The following RNF169 variants were observed in gnomAD, a reference collection of about 807,000 sequenced individuals.
RNF169 encodes ring finger protein 169, also known as E3 ubiquitin-protein ligase RNF169.
A neutral mutation model predicts 53.9 loss-of-function variants in RNF169; 24 were observed. The ratio of observed to expected loss-of-function variants is 0.45; its 90% CI spans 0.32 to 0.63. RNF169 has a LOEUF of 0.63. RNF169 is among the 20% of genes least tolerant of loss of function. RNF169 has a pLI of 0.04. For synonymous variants in RNF169, 396 were observed against 363.5 expected (o/e 1.09, Z -1.02); for missense variants, 883 against 906.2 (o/e 0.97, Z 0.33).
chr11:74,835,038 A>G (rs1438733774), intron 5 of RNF169, among the ~76,000 whole-genome samples: 1 of 152,126 alleles, frequency 6.6e-6, no homozygotes, highest in Non-Finnish European at 1.5e-5. Context: ...GCTGGTGTGC[A>G]GTGGTGCAAC....
chr11:74,785,207 TATGATA>T (rs1435797697), intron 1 of RNF169, among the ~76,000 whole-genome samples: 5 of 74,472 alleles, frequency 6.7e-5, no homozygotes, highest in Admixed American at 3.9e-4. Flanking sequence ...GATATATATA[TATGATA>T]TATATATGTT....
intron 4 of RNF169, among the ~76,000 whole-genome samples, chr11:74,830,063 T>C (rs1282995534): frequency 6.6e-6 from 1 of 152,154 alleles, no homozygotes; most frequent in Non-Finnish European, 1.5e-5. Context: ...TTACTGAATG[T>C]AATGAAAGCA....
intron 1 of RNF169, among the ~76,000 whole-genome samples, chr11:74,762,165 A>T (rs1186362577): frequency 1.3e-5 from 2 of 150,304 alleles, no homozygotes; most frequent in African/African-American, 4.9e-5. Context: ...CAGCTCCTTT[A>T]AACACTTCTC....
At chr11:74,828,914 A>G (rs1415481271) in intron 4 of RNF169, among the ~76,000 whole-genome samples, 1 of 152,220 alleles carries the variant, frequency 6.6e-6, no homozygotes, top group African/African-American at 2.4e-5. Context: ...AGGCAATACC[A>G]TTCAGGACCA....
chr11:74,829,249 C>T (rs777664411), intron 4 of RNF169, among the ~76,000 whole-genome samples: 9 of 152,158 alleles, frequency 5.9e-5, no homozygotes, highest in South Asian at 2.1e-4. Context: ...AAGAGCTTGA[C>T]GTTACTGATC....
At chr11:74,752,008 C>T (rs532520605) in intron 1 of RNF169, among the ~76,000 whole-genome samples, 15 of 151,874 alleles carry the variant, frequency 9.9e-5, no homozygotes, top group Non-Finnish European at 2.1e-4. Context: ...CCGAGGTGGG[C>T]GGATCACAAG....
At chr11:74,813,680 C>T (rs1356690533) in intron 3 of RNF169, among the ~76,000 whole-genome samples, 1 of 152,096 alleles carries the variant, frequency 6.6e-6, no homozygotes, top group African/African-American at 2.4e-5. Context: ...AAAATGTAAC[C>T]TAGTATACAT....
intron 1 of RNF169, among the ~76,000 whole-genome samples, chr11:74,767,057 TCTTAA>T (rs1316846469): frequency 1.3e-5 from 2 of 152,094 alleles, no homozygotes; most frequent in Non-Finnish European, 1.5e-5. Flanking sequence ...CCCAGGCTGG[TCTTAA>T]CTTCTGACCT....
chr11:74,760,240 G>T (rs2035059471), intron 1 of RNF169, among the ~76,000 whole-genome samples: 1 of 151,832 alleles, frequency 6.6e-6, no homozygotes, highest in Non-Finnish European at 1.5e-5. Context: ...TATCAATTTT[G>T]TTGATCCTTT....
intron 2 of RNF169, among the ~76,000 whole-genome samples, chr11:74,791,210 G>A (rs1343070627): frequency 1.3e-5 from 2 of 152,174 alleles, no homozygotes; most frequent in Non-Finnish European, 2.9e-5. Context: ...TCATCCCCAT[G>A]TCTGCCGGAG....
chr11:74,785,157 TTA>T (rs555175423), intron 1 of RNF169, among the ~76,000 whole-genome samples: 51 of 136,350 alleles, frequency 3.7e-4, no homozygotes, highest in Non-Finnish European at 5.0e-4. Flanking sequence ...ACATGTATTT[TTA>T]TATATATATA....
At chr11:74,813,329 G>A (rs2035899536) in intron 3 of RNF169, among the ~76,000 whole-genome samples, 1 of 152,228 alleles carries the variant, frequency 6.6e-6, no homozygotes, top group Admixed American at 6.5e-5. Flanking sequence ...TGAATGGAAG[G>A]AGGAAGGAGC....
chr11:74,807,528 T>C (rs2035822438), intron 2 of RNF169, among the ~76,000 whole-genome samples: 1 of 152,124 alleles, frequency 6.6e-6, no homozygotes, highest in African/African-American at 2.4e-5. Flanking sequence ...TGTGCTGAGG[T>C]TGAGAAACTG....
intron 4 of RNF169, among the ~76,000 whole-genome samples, chr11:74,824,160 A>G (rs759427869): frequency 2.6e-5 from 4 of 152,216 alleles, no homozygotes; most frequent in Non-Finnish European, 5.9e-5. Context: ...AAAGGAAACC[A>G]TGAAAAACAG....
At chr11:74,787,473 G>A (rs564643372) in intron 1 of RNF169, among the ~76,000 whole-genome samples, 8 of 152,270 alleles carry the variant, frequency 5.3e-5, no homozygotes, top group South Asian at 2.1e-4. Context: ...TTAGCAAAGC[G>A]AAAAGGTTTC....
At chr11:74,777,224 AC>A (rs2035349083) in intron 1 of RNF169, among the ~76,000 whole-genome samples, 1 of 152,202 alleles carries the variant, frequency 6.6e-6, no homozygotes, top group Non-Finnish European at 1.5e-5. Context: ...GCACATAGTC[AC>A]TAGGTGACTG....
intron 2 of RNF169, among the ~76,000 whole-genome samples, chr11:74,796,829 C>G (rs772337852): frequency 6.6e-6 from 1 of 152,138 alleles, no homozygotes; most frequent in African/African-American, 2.4e-5. Context: ...TATCCATTTT[C>G]TTTTTTTCTT....
chr11:74,789,927 C>T (rs1007026961), intron 2 of RNF169, among the ~76,000 whole-genome samples: 1 of 152,214 alleles, frequency 6.6e-6, no homozygotes, highest in African/African-American at 2.4e-5. Flanking sequence ...ACGTAGTTCA[C>T]AGAGCCTGTC....
At chr11:74,802,486 T>TA (rs2035744435) in intron 2 of RNF169, among the ~76,000 whole-genome samples, 1 of 151,964 alleles carries the variant, frequency 6.6e-6, no homozygotes, top group Non-Finnish European at 1.5e-5. Flanking sequence ...TCTTTAAAAA[T>TA]ACAAAAATTA....
Sources: allele counts gnomAD v4.1 joint callset (sites outside exome capture counted in the v4.1 genomes callset), GRCh38; gene constraint gnomAD v4.1.1; transcripts MANE v1.5; gene names NCBI Gene and HGNC (gene_info 2026-07-23, HGNC 2026-07-21).